Variants in TMEM164 observed in about 807,000 individuals in gnomAD.
The protein encoded by TMEM164 is transmembrane protein 164.
A neutral mutation model predicts 18.8 loss-of-function variants in TMEM164; 4 were observed. That is an observed-to-expected ratio of 0.21 (90% CI 0.10 to 0.49). The LOEUF is 0.49. Among genes scored for constraint, TMEM164 ranks in the 20% least tolerant of loss-of-function variants. TMEM164 has a pLI of 0.98. For missense variants in TMEM164, 108 were observed against 239.9 expected (o/e 0.45, Z 3.63); for synonymous variants, 86 against 101.7 (o/e 0.85, Z 0.93).
chrX:110,180,770 A>G (rs187004998), downstream of TMEM164, among the ~76,000 whole-genome samples: 1 of 111,390 alleles, frequency 9.0e-6, no homozygotes, highest in African/African-American at 3.3e-5. Flanking sequence ...AGCATGAGTC[A>G]CAGAGCTGTT....
chrX:110,104,402 G>T (rs888722949), intron 3 of TMEM164, among the ~76,000 whole-genome samples: 1 of 111,714 alleles, frequency 9.0e-6, no homozygotes, highest in Non-Finnish European at 1.9e-5. Flanking sequence ...AGTGATCCTT[G>T]TGGTTCTCGC....
At position 110,175,608 on chromosome X, in the gene TMEM164, A is replaced by G. The variant is rs2067280973; in HGVS notation, c.*2157A>G. 7 of 382,300 alleles carry G rather than the reference A, an allele frequency of 1.8e-5. No homozygotes were observed. Among genetic ancestry groups the G allele is most frequent in the Non-Finnish European group, 2.3e-5 (7 of 300,247 alleles). 31.5% of individuals were successfully genotyped at this position (382,300 alleles called of 1,213,427 possible). On this transcript the variant is annotated 3_prime_UTR_variant, in exon 7 of 7. Transcript: ENST00000372068. ...TTCTGGTGCTTGGAAGGAGAGAAGA[A>G]AGCAAAAGCCACATGCCTGGCATGG...
chrX:110,065,363 G>A (rs1936291046), intron 2 of TMEM164: 1 of 111,598 alleles, frequency 9.0e-6, no homozygotes, highest in Non-Finnish European at 1.9e-5. Context: ...GCTCAGGAAG[G>A]CTGCTGGCAT....
intron 2 of TMEM164, among the ~76,000 whole-genome samples, chrX:110,065,813 CAT>C (rs1936316469): frequency 1.8e-5 from 2 of 111,888 alleles, no homozygotes; most frequent in South Asian, 3.7e-4. Flanking sequence ...TTATGGGAAA[CAT>C]ATGAATATTC....
chrX:110,133,440 C>T (rs955200553), intron 4 of TMEM164, among the ~76,000 whole-genome samples: 21 of 112,035 alleles, frequency 1.9e-4, no homozygotes, highest in Non-Finnish European at 5.6e-5. Flanking sequence ...CATGAGCCAC[C>T]GCGCCCTGGA....
intron 2 of TMEM164, chrX:110,064,979 AGAGT>A (rs1347181482): frequency 1.1e-5 from 1 of 88,735 alleles, no homozygotes; most frequent in Non-Finnish European, 2.2e-5. Flanking sequence ...CCTGGATAAC[AGAGT>A]GAGACTTTCT....
At chrX:110,160,638 T>C (rs2067081036) in intron 5 of TMEM164, among the ~76,000 whole-genome samples, 1 of 112,134 alleles carries the variant, frequency 8.9e-6, no homozygotes, top group South Asian at 3.7e-4. Flanking sequence ...TCAAGTCTGC[T>C]GGGAAATCCC....
At chrX:110,103,719 C>T (rs2066145196) in intron 3 of TMEM164, among the ~76,000 whole-genome samples, 1 of 111,780 alleles carries the variant, frequency 8.9e-6, no homozygotes, top group Non-Finnish European at 1.9e-5. Context: ...ATATATGCTG[C>T]ATATCAAGCA....
intron 2 of TMEM164, 52 bp downstream of exon 2, chrX:110,004,216 G>A: frequency 1.7e-6 from 2 of 1,149,310 alleles, no homozygotes; most frequent in South Asian, 4.0e-5. Flanking sequence ...AGTCATTTAT[G>A]TGCTCAGGAC....
chrX:110,064,345 G>A (rs1936240626), intron 2 of TMEM164, among the ~76,000 whole-genome samples: 1 of 111,930 alleles, frequency 8.9e-6, no homozygotes, highest in African/African-American at 3.2e-5. Context: ...AAAAATGCAT[G>A]CCACCAAAAT....
At chrX:110,044,580 C>T (rs189223697) in intron 2 of TMEM164, among the ~76,000 whole-genome samples, 10 of 98,279 alleles carry the variant, frequency 1.0e-4, no homozygotes, top group Non-Finnish European at 2.0e-4. Flanking sequence ...GCGGGGACTG[C>T]CACCATTCCT....
In TMEM164 at chrX:110,067,388, C is replaced by T. The variant is rs1214815247; in HGVS notation, c.432C>T (p.Val144=). The T allele has an allele frequency of 5.8e-6, 7 of 1,209,269 alleles. No homozygotes were observed. Among genetic ancestry groups the T allele is most frequent in the South Asian group, 1.8e-5 (1 of 56,800 alleles). ...LACPPCRGAI[V]VFKLQMHMLN... ...GCCCTCCATGTCGGGGAGCTATCGT[C>T]GTCTTCAAGTAAGAGAAAATTGGCT... The change falls in exon 3 of 7, where the codon GTC becomes GTT. Residue 144 remains valine, a synonymous_variant. Transcript: ENST00000372068.
chrX:110,165,054 T>C (rs946262269), intron 5 of TMEM164, among the ~76,000 whole-genome samples: 8 of 113,263 alleles, frequency 7.1e-5, no homozygotes, highest in African/African-American at 2.2e-4. Flanking sequence ...CTCTTCATCT[T>C]TCCTCATCCA....
chrX:110,020,293 G>T, intron 2 of TMEM164: 2 of 662,605 alleles, frequency 3.0e-6, no homozygotes, highest in Non-Finnish European at 3.6e-6. Context: ...TTCCAGATGA[G>T]GAAACTGTGG....
chrX:110,140,418 G>A (rs1016834151), intron 4 of TMEM164, among the ~76,000 whole-genome samples: 1 of 111,904 alleles, frequency 8.9e-6, no homozygotes, highest in African/African-American at 3.3e-5. Flanking sequence ...GAAGAACTAA[G>A]TTTTTCTTAA....
At chrX:110,124,176 A>AAGGCAGGAAGGCAGGC (rs2066494998) in intron 4 of TMEM164, among the ~76,000 whole-genome samples, 3 of 77,159 alleles carry the variant, frequency 3.9e-5, no homozygotes, top group African/African-American at 1.5e-4. Flanking sequence ...GGAAGGAAGG[A>AAGGCAGGAAGGCAGGC]AGGCAGGAAG....
At chrX:110,067,154 G>GCGCGCA (rs34465050) in intron 2 of TMEM164, among the ~76,000 whole-genome samples, 193 bp from the exon 3 acceptor site, 3 of 101,612 alleles carry the variant, frequency 3.0e-5, no homozygotes, top group Non-Finnish European at 4.0e-5. Context: ...TCATGTGTGC[G>GCGCGCA]CACACACACA....
chrX:110,108,231 C>G (rs1261546950), intron 3 of TMEM164, among the ~76,000 whole-genome samples: 7 of 109,239 alleles, frequency 6.4e-5, no homozygotes, highest in South Asian at 8.1e-4. Context: ...TCAAGAGGAA[C>G]AGACTGTCAT....
chrX:110,110,424 C>A lies in TMEM164; in HGVS notation c.507+1278C>A, dbSNP rs150012385. ...CATACTGTACGTACCTTATAAGTACCCACAATTATTTGTCAGTTAAAAATA... is the reference window on the plus strand; with the variant it reads ...CATACTGTACGTACCTTATAAGTACACACAATTATTTGTCAGTTAAAAATA... On this transcript the variant is annotated intron_variant, in intron 4 of 6. Coordinates refer to ENST00000372068, the MANE Select transcript of TMEM164 (RefSeq NM_032227.4). Among the ~76,000 whole-genome samples, 6 of 111,722 alleles carry A rather than the reference C, an allele frequency of 5.4e-5. No individual in the cohort carries two copies. The East Asian group carries it at 1.7e-3, about 31-fold the overall frequency.
Sources: allele counts gnomAD v4.1 joint callset (sites outside exome capture counted in the v4.1 genomes callset), GRCh38; gene constraint gnomAD v4.1.1; transcripts MANE v1.5; gene names NCBI Gene and HGNC (gene_info 2026-07-23, HGNC 2026-07-21).